Variants in CNTFR observed in about 807,000 individuals in gnomAD.
The protein encoded by CNTFR is ciliary neurotrophic factor receptor subunit alpha.
In CNTFR, 12 loss-of-function variants were observed where a neutral mutation model predicts 40.4. That is an observed-to-expected ratio of 0.30 (90% CI 0.19 to 0.48). The LOEUF is 0.48. CNTFR is among the 20% of genes least tolerant of loss of function. CNTFR has a pLI of 0.99. For synonymous variants in CNTFR, 202 were observed against 209.6 expected (o/e 0.96, Z 0.31); for missense variants, 414 against 506.8 (o/e 0.82, Z 1.76).
chr9:34,552,887 A>G lies in CNTFR; in HGVS notation c.769-33T>C. 1 of 1,599,106 alleles carries G rather than the reference A, an allele frequency of 6.3e-7. No individual in the cohort carries two copies. The highest frequency in any genetic ancestry group is 8.5e-7 in the Non-Finnish European group (1 of 1,177,228). On this transcript the variant is annotated intron_variant, in intron 7 of 9. Transcript: ENST00000378980. The surrounding 1 kb of genome is among the most constrained non-coding windows in gnomAD (Gnocchi z 5.1). ...CAGACCATGGGGTGGGGGTAAGGAC[A>G]CACCTGGGGGCCAGGAGGGTGAGGT...
At chr9:34,578,336 T>C (rs927468367) in intron 2 of CNTFR, among the ~76,000 whole-genome samples, 5 of 152,138 alleles carry the variant, frequency 3.3e-5, no homozygotes, top group Non-Finnish European at 7.4e-5. Context: ...AGGTCATCCT[T>C]TGAATCTAAT....
At chr9:34,577,911 G>C (rs906109886) in intron 2 of CNTFR, among the ~76,000 whole-genome samples, 1 of 151,596 alleles carries the variant, frequency 6.6e-6, no homozygotes, top group Non-Finnish European at 1.5e-5. Flanking sequence ...GAAAGGAGCG[G>C]GAAGCGCCGA....
rs1378664225 is a variant in CNTFR, at chr9:34,551,948, T to C, written c.*123A>G. The C allele has an allele frequency of 1.4e-6, 1 of 736,398 alleles. No homozygotes were observed. The highest frequency in any genetic ancestry group is 2.5e-6 in the Non-Finnish European group (1 of 404,632). The allele number at this position is 736,398 out of a possible 1,614,324, so 45.6% of individuals were successfully genotyped here. The stretch of plus-strand genomic sequence containing the variant: ...GGCCCGCCGGGGTCTCCACAAATTG[T>C]GTCTGAAGAGAATGCAAAAGGTCCT... On this transcript the variant is annotated 3_prime_UTR_variant, in exon 10 of 10. Transcript: ENST00000378980.
intron 4 of CNTFR, among the ~76,000 whole-genome samples, chr9:34,559,341 C>T (rs1412957652): frequency 6.6e-6 from 1 of 152,162 alleles, no homozygotes; most frequent in Non-Finnish European, 1.5e-5. Flanking sequence ...TCTAGCTTTG[C>T]AGCAGAAGAG....
intron 2 of CNTFR, among the ~76,000 whole-genome samples, chr9:34,570,372 G>C (rs1564067910): frequency 6.6e-6 from 1 of 152,198 alleles, no homozygotes; most frequent in Non-Finnish European, 1.5e-5. Flanking sequence ...ACACTGTAAA[G>C]GACTCAGCTA....
intron 1 of CNTFR, chr9:34,582,286 A>AAAAAAAAC: frequency 6.6e-6 from 1 of 151,920 alleles, no homozygotes; most frequent in African/African-American, 2.4e-5. Flanking sequence ...CAAAAAAAAA[A>AAAAAAAAC]AAAAAAAAAA....
chr9:34,562,930 C>T (rs1826127470), intron 4 of CNTFR, among the ~76,000 whole-genome samples: 1 of 152,134 alleles, frequency 6.6e-6, no homozygotes, highest in African/African-American at 2.4e-5. Context: ...CTTTTTGTGG[C>T]TCATTTCCCT....
chr9:34,583,871 G>A (rs750733686), intron 1 of CNTFR, among the ~76,000 whole-genome samples: 5 of 152,212 alleles, frequency 3.3e-5, no homozygotes, highest in Admixed American at 6.5e-5. Flanking sequence ...CTCATGGGCC[G>A]AGGTCACATG....
chr9:34,556,372 G>C lies in CNTFR; in HGVS notation c.651C>G (p.Ser217Arg), dbSNP rs751409899. The change falls in exon 7 of 10, where the codon AGC becomes AGG. Residue 217 changes from serine to arginine, a missense_variant. Around this residue, in one of 3 missense-constraint regions of CNTFR, gnomAD observed 83 missense variants for 145.0 expected, o/e 0.57. Coordinates refer to ENST00000378980, the MANE Select transcript of CNTFR (RefSeq NM_147164.3). Reference protein sequence around the residue: ...PENVVARPVPSNPRRLEVTWQ... With the variant: ...PENVVARPVPRNPRRLEVTWQ... ...ACGTCACCTCCAGCCGGCGAGGGTT[G>C]CTGGGCACTGGCCGGGCTACCACAT... 4 of 1,613,846 alleles carry C rather than the reference G, an allele frequency of 2.5e-6. No individual in the cohort carries two copies. Among genetic ancestry groups the C allele is most frequent in the Non-Finnish European group, 3.4e-6 (4 of 1,179,900 alleles).
At chr9:34,555,317 TA>T (rs1489571218) in intron 7 of CNTFR, among the ~76,000 whole-genome samples, 1 of 152,044 alleles carries the variant, frequency 6.6e-6, no homozygotes, top group Non-Finnish European at 1.5e-5. Flanking sequence ...CCGGACTGGA[TA>T]GGGGCATGAG....
chr9:34,552,293 G>A lies in CNTFR; in HGVS notation c.986C>T (p.Pro329Leu), dbSNP rs766907514. Residue 329 changes from proline to leucine, a missense_variant, in exon 9 of 10, where the codon CCA becomes CTA. Pro to Leu is a moderately conservative substitution (Grantham distance 98). This residue lies in a region of CNTFR where 81 missense variants were observed against 92.2 expected (regional missense o/e 0.88). Coordinates refer to ENST00000378980, the MANE Select transcript of CNTFR (RefSeq NM_147164.3). This position sits in a 1 kb window ranked among gnomAD's most constrained non-coding sequence, Gnocchi z 5.1. ...AGGGTCACAGATCTTCGTGGTAGGTGGGGGTGCCAGGGAGCTGGTGGTGCT... is the reference window on the plus strand; with the variant it reads ...AGGGTCACAGATCTTCGTGGTAGGTAGGGGTGCCAGGGAGCTGGTGGTGCT... ...TTSTTSSLAP[P>L]PTTKICDPGE... is the part of the protein sequence containing the mutation. The A allele has an allele frequency of 4.1e-5, 64 of 1,543,526 alleles. No individual in the cohort carries two copies. In the South Asian group the frequency reaches 5.1e-4, roughly 12 times the overall value.
intron 1 of CNTFR, chr9:34,582,291 A>C (rs1011868060): frequency 4.6e-5 from 7 of 151,746 alleles, no homozygotes; most frequent in Admixed American, 3.3e-4. Context: ...AAAAAAAAAA[A>C]AAAAAACACA....
Position 34,551,661 on chromosome 9 carries a change from C to T in CNTFR, c.*410G>A. ...GGGGGGAGGGGGATGGCTGGGCCCC[C>T]CCAGCATCAGGAGCTTATAATCTGA... On this transcript the variant is annotated 3_prime_UTR_variant, in exon 10 of 10. Coordinates refer to ENST00000378980, the MANE Select transcript of CNTFR (RefSeq NM_147164.3). 1 of 337,996 alleles carries T rather than the reference C, an allele frequency of 3.0e-6. No homozygotes were observed. Among genetic ancestry groups the T allele is most frequent in the Non-Finnish European group, 5.6e-6 (1 of 179,434 alleles). 20.9% of individuals were successfully genotyped at this position (337,996 alleles called of 1,614,324 possible).
chr9:34,575,426 T>C (rs936390633), intron 2 of CNTFR, among the ~76,000 whole-genome samples: 10 of 151,964 alleles, frequency 6.6e-5, no homozygotes, highest in African/African-American at 2.4e-4. Context: ...AGACTTCCCT[T>C]AGCAGGGGGG....
At position 34,552,538 on chromosome 9, in the gene CNTFR, G is replaced by C. The variant is rs757263603; in HGVS notation, c.949+136C>G. ...AGATAGCAAGGACCAGGAATGGCAG[G>C]AGTTGGACAGACAGGCAGAAGTGTG... On this transcript the variant is annotated intron_variant, in intron 8 of 9. Transcript: ENST00000378980. This position sits in a 1 kb window ranked among gnomAD's most constrained non-coding sequence, Gnocchi z 5.1. 9.4e-6 allele frequency: 10 copies of C among 1,061,812 alleles called. No individual in the cohort carries two copies. The East Asian group carries it at 2.6e-4, about 28-fold the overall frequency. The allele number at this position is 1,061,812 out of a possible 1,614,324, so 65.8% of individuals were successfully genotyped here.
At chr9:34,578,603 G>A (rs546319217) in intron 2 of CNTFR, among the ~76,000 whole-genome samples, 2 of 152,288 alleles carry the variant, frequency 1.3e-5, no homozygotes, top group Admixed American at 6.5e-5. Flanking sequence ...TCCTCCTCCC[G>A]GGGTGACCGC....
chr9:34,587,578 G>A (rs1301950934), intron 1 of CNTFR, among the ~76,000 whole-genome samples: 1 of 152,110 alleles, frequency 6.6e-6, no homozygotes, highest in African/African-American at 2.4e-5. Flanking sequence ...TGAGCTCCAG[G>A]GTCCCCGTGT....
Position 34,557,405 on chromosome 9 carries a change from T to C in CNTFR, c.604+121A>G. 1.8e-6 allele frequency: 2 copies of C among 1,087,012 alleles called. No individual in the cohort carries two copies. The highest frequency in any genetic ancestry group is 2.7e-6 in the Non-Finnish European group (2 of 740,890). 67.3% of individuals were successfully genotyped at this position (1,087,012 alleles called of 1,614,324 possible). A position where few individuals can be genotyped will look rare whatever the true frequency, so the allele number is the denominator to read the frequency against. ...CATATATGTGCACTGTACATACCTG[T>C]GCAGAGGCATGTACATGCCATGTAT... On this transcript the variant is annotated intron_variant, in intron 6 of 9. Coordinates refer to ENST00000378980, the MANE Select transcript of CNTFR (RefSeq NM_147164.3). The surrounding 1 kb of genome is among the most constrained non-coding windows in gnomAD (Gnocchi z 4.2).
Position 34,557,937 on chromosome 9 carries a change from T to G in CNTFR, c.367A>C (p.Lys123Gln). 1.3e-6 allele frequency: 2 copies of G among 1,572,694 alleles called. No homozygotes were observed. The highest frequency in any genetic ancestry group is 1.7e-6 in the Non-Finnish European group (2 of 1,159,064). ...VLSCRSNTYP[K>Q]GFYCSWHLPT... ...AGATGCCAGCTGCAGTAGAAGCCCT[T>G]GGGGTAAGTGTTGGAGCGGCAGCTG... Residue 123 changes from lysine to glutamine, a missense_variant, in exon 5 of 10, where the codon AAG (lysine) becomes CAG (glutamine). Lys to Gln is a moderately conservative substitution (Grantham distance 53). Around this residue, in one of 3 missense-constraint regions of CNTFR, gnomAD observed 250 missense variants for 269.5 expected, o/e 0.93. Transcript: ENST00000378980. This position sits in a 1 kb window ranked among gnomAD's most constrained non-coding sequence, Gnocchi z 4.2.
Sources: allele counts gnomAD v4.1 joint callset (sites outside exome capture counted in the v4.1 genomes callset), GRCh38; gene constraint gnomAD v4.1.1; regional missense constraint gnomAD v4.1.1; non-coding constraint Gnocchi (gnomAD v3.1); transcripts MANE v1.5; gene names NCBI Gene and HGNC (gene_info 2026-07-23, HGNC 2026-07-21).